The following DIAPH2 variants were observed in gnomAD, a reference collection of about 807,000 sequenced individuals.
DIAPH2 encodes the protein diaphanous related formin 2, also known as protein diaphanous homolog 2.
DIAPH2 carries 35 observed loss-of-function variants against 92.7 expected under a neutral mutation model. The observed-to-expected ratio is 0.38, with a 90% CI of 0.29 to 0.50. The LOEUF (loss-of-function observed/expected upper bound fraction) is 0.50. Among genes scored for constraint, DIAPH2 ranks in the 20% least tolerant of loss-of-function variants. The pLI is 0.94. For missense variants in DIAPH2, 701 were observed against 819.5 expected (o/e 0.86, Z 1.77); for synonymous variants, 301 against 280.4 (o/e 1.07, Z -0.73).
At chrX:97,217,570 A>G (rs1323539952) in intron 22 of DIAPH2, among the ~76,000 whole-genome samples, 1 of 111,835 alleles carries the variant, frequency 8.9e-6, no homozygotes, top group Non-Finnish European at 1.9e-5. Flanking sequence ...AGGGAAGGAG[A>G]GTTTTTTTCC....
chrX:97,012,549 G>T (rs1437513091), intron 17 of DIAPH2, among the ~76,000 whole-genome samples: 1 of 112,049 alleles, frequency 8.9e-6, no homozygotes, highest in Admixed American at 9.4e-5. Context: ...AATTTGAACA[G>T]TTTTATCCTC....
chrX:97,308,013 G>A (rs764666509), intron 23 of DIAPH2, among the ~76,000 whole-genome samples: 31 of 110,348 alleles, frequency 2.8e-4, no homozygotes, highest in Non-Finnish European at 5.3e-4. Context: ...GAGTATGTTT[G>A]CCATTTGGAG....
At chrX:97,149,040 A>C (rs2067266263) in intron 22 of DIAPH2, among the ~76,000 whole-genome samples, 1 of 110,904 alleles carries the variant, frequency 9.0e-6, no homozygotes, top group Non-Finnish European at 1.9e-5. Flanking sequence ...AATGTAACTA[A>C]CTGCTGAAAC....
At chrX:97,330,673 C>T (rs1271117887) in intron 23 of DIAPH2, among the ~76,000 whole-genome samples, 1 of 110,006 alleles carries the variant, frequency 9.1e-6, no homozygotes, top group East Asian at 2.9e-4. Context: ...CCACCACGCC[C>T]AGCTAACTTT....
chrX:97,290,873 G>C (rs1013153939), intron 23 of DIAPH2, among the ~76,000 whole-genome samples: 1 of 111,414 alleles, frequency 9.0e-6, no homozygotes, highest in Non-Finnish European at 1.9e-5. Flanking sequence ...TTGGGAGCTT[G>C]AGACCAGCCT....
intron 21 of DIAPH2, among the ~76,000 whole-genome samples, chrX:97,116,191 A>C (rs1053808516): frequency 1.8e-5 from 2 of 112,119 alleles, no homozygotes; most frequent in Non-Finnish European, 3.8e-5. Context: ...TATGTATCAA[A>C]AATGATTTGA....
At chrX:97,472,197 C>T (rs2070569448) in intron 26 of DIAPH2, among the ~76,000 whole-genome samples, 1 of 112,099 alleles carries the variant, frequency 8.9e-6, no homozygotes, top group Non-Finnish European at 1.9e-5. Context: ...GTTGAAAATT[C>T]ATGCTGTGCT....
intron 21 of DIAPH2, among the ~76,000 whole-genome samples, chrX:97,129,136 C>CTTTTCTTTTCTTTTCTT (rs1569308145): frequency 9.1e-5 from 8 of 87,872 alleles, no homozygotes; most frequent in Non-Finnish European, 1.5e-4. Flanking sequence ...CTTTTCTTTT[C>CTTTTCTTTTCTTTTCTT]TTTTCTTTTC....
chrX:97,578,535 G>A (rs1247168807), intron 26 of DIAPH2, among the ~76,000 whole-genome samples: 115 of 94,420 alleles, frequency 1.2e-3, no homozygotes, highest in African/African-American at 4.1e-3. Flanking sequence ...ATTCCATGGT[G>A]TATATGTGCC....
intron 5 of DIAPH2, among the ~76,000 whole-genome samples, chrX:96,889,563 A>T (rs1040850091): frequency 2.7e-5 from 3 of 112,447 alleles, no homozygotes; most frequent in Non-Finnish European, 5.6e-5. Flanking sequence ...TACATATCAC[A>T]TGGATAATCC....
chrX:96,865,304 T>G (rs769039737), intron 4 of DIAPH2, among the ~76,000 whole-genome samples: 1 of 111,681 alleles, frequency 9.0e-6, no homozygotes, highest in African/African-American at 3.3e-5. Flanking sequence ...TCCCACAAGC[T>G]TAGTGTTCCG....
At chrX:97,304,173 G>A (rs1177132445) in intron 23 of DIAPH2, among the ~76,000 whole-genome samples, 1 of 112,091 alleles carries the variant, frequency 8.9e-6, no homozygotes, top group African/African-American at 3.2e-5. Context: ...ACATTATGAA[G>A]CTGTGCATAA....
chrX:97,066,828 G>T (rs2147907435), intron 17 of DIAPH2, among the ~76,000 whole-genome samples: 1 of 112,079 alleles, frequency 8.9e-6, no homozygotes, highest in Non-Finnish European at 1.9e-5. Context: ...CTGATTTGGG[G>T]TGTTCTTGTA....
At chrX:97,420,730 C>T (rs2070000135) in intron 25 of DIAPH2, among the ~76,000 whole-genome samples, 1 of 112,085 alleles carries the variant, frequency 8.9e-6, no homozygotes, top group African/African-American at 3.2e-5. Context: ...AAACTTTCGA[C>T]TACCACATCA....
intron 22 of DIAPH2, among the ~76,000 whole-genome samples, chrX:97,194,591 A>G (rs1237939752): frequency 1.8e-5 from 2 of 111,464 alleles, no homozygotes; most frequent in African/African-American, 6.5e-5. Context: ...GCCCCTAGAA[A>G]TATTTTCAAA....
intron 21 of DIAPH2, among the ~76,000 whole-genome samples, chrX:97,117,233 A>G (rs1309827296): frequency 9.0e-6 from 1 of 111,435 alleles, no homozygotes; most frequent in Non-Finnish European, 1.9e-5. Context: ...GATTCGAAGG[A>G]TGTTCCTGGA....
intron 22 of DIAPH2, among the ~76,000 whole-genome samples, chrX:97,163,681 T>C (rs2147443301): frequency 8.9e-6 from 1 of 112,071 alleles, no homozygotes; most frequent in East Asian, 2.8e-4. Context: ...CAGTTCCAGC[T>C]CCTCATGTAC....
intron 4 of DIAPH2, among the ~76,000 whole-genome samples, chrX:96,814,553 C>T (rs1183526919): frequency 8.9e-6 from 1 of 112,170 alleles, no homozygotes; most frequent in East Asian, 2.8e-4. Flanking sequence ...ATTCTCCATC[C>T]AGTTTTGTTC....
At chrX:97,368,856 A>G (rs1013723600) in intron 24 of DIAPH2, among the ~76,000 whole-genome samples, 5 of 108,329 alleles carry the variant, frequency 4.6e-5, no homozygotes, top group African/African-American at 6.7e-5. Flanking sequence ...TCTTAATAGA[A>G]TATCACACCT....
Sources: gnomAD v4.1 joint callset for allele counts (sites outside exome capture counted in the v4.1 genomes callset) on GRCh38, gnomAD v4.1.1 for gene constraint, MANE v1.5 for transcripts, NCBI Gene and HGNC (gene_info 2026-07-23, HGNC 2026-07-21) for gene names.